Variants in RPTOR observed in about 807,000 individuals in gnomAD.
The protein encoded by RPTOR is regulatory-associated protein of mTOR.
RPTOR carries 21 observed loss-of-function variants against 169.9 expected under a neutral mutation model. The observed-to-expected ratio is 0.12, with a 90% confidence interval of 0.09 to 0.18. The LOEUF is 0.18. Ranked by LOEUF, RPTOR falls within the 10% of genes least tolerant of loss-of-function variation. The pLI, the probability that RPTOR is intolerant of heterozygous loss-of-function variation, is 1.00. For synonymous variants in RPTOR, 732 were observed against 753.2 expected, an observed-to-expected ratio of 0.97 and a Z score of 0.46; for missense variants, 1,133 against 1,855.9, an observed-to-expected ratio of 0.61 and a Z score of 7.16.
chr17:80,662,450 G>A (rs2065731887), intron 3 of RPTOR, among the ~76,000 whole-genome samples: 1 of 152,054 alleles, frequency 6.6e-6, no homozygotes, highest in Non-Finnish European at 1.5e-5. Context: ...ATAATTTGGT[G>A]GGCGGGGCTA....
chr17:80,822,191 T>G lies in RPTOR; in HGVS notation c.891-10T>G. ...TGGCATCACTCATGAGAACGCCCCT[T>G]GTTTTCTAGGATCCCTGGCCGCCTG... On this transcript the variant is annotated splice_polypyrimidine_tract_variant and intron_variant, in intron 7 of 33. Coordinates refer to ENST00000306801, the MANE Select transcript of RPTOR (RefSeq NM_020761.3). The G allele has an allele frequency of 6.2e-7, 1 of 1,613,636 alleles. No homozygotes were observed. The highest frequency in any genetic ancestry group is 8.5e-7 in the Non-Finnish European group (1 of 1,179,634).
At chr17:80,658,975 G>T (rs1054281110) in intron 3 of RPTOR, among the ~76,000 whole-genome samples, 1 of 152,198 alleles carries the variant, frequency 6.6e-6, no homozygotes. Flanking sequence ...CCATCAGTCT[G>T]ACTGCTGCTG....
chr17:80,958,204 C>A (rs71368102), intron 29 of RPTOR, among the ~76,000 whole-genome samples: 1 of 16,440 alleles, frequency 6.1e-5, no homozygotes, highest in Non-Finnish European at 1.5e-4. Flanking sequence ...CTCACCCCCC[C>A]CCCCCACCAC....
intron 6 of RPTOR, among the ~76,000 whole-genome samples, chr17:80,772,873 C>T (rs183873530): frequency 1.3e-5 from 2 of 152,196 alleles, no homozygotes; most frequent in African/African-American, 2.4e-5. Context: ...TGGTGGCAGC[C>T]GGACATCAAG....
chr17:80,675,948 A>C (rs1272654425), intron 3 of RPTOR, among the ~76,000 whole-genome samples: 1 of 152,106 alleles, frequency 6.6e-6, no homozygotes, highest in Non-Finnish European at 1.5e-5. Context: ...AGGTATGATG[A>C]AATACTTTTG....
chr17:80,850,701 G>A (rs1474224206), intron 11 of RPTOR, among the ~76,000 whole-genome samples: 1 of 152,140 alleles, frequency 6.6e-6, no homozygotes, highest in Non-Finnish European at 1.5e-5. Context: ...TAGAATGTGG[G>A]GTCTGAAAGT....
intron 1 of RPTOR, among the ~76,000 whole-genome samples, chr17:80,578,258 G>A (rs1383447857): frequency 6.6e-6 from 1 of 152,140 alleles, no homozygotes; most frequent in African/African-American, 2.4e-5. Context: ...CAGTCATTGC[G>A]ATGTTGGCAC....
At chr17:80,743,051 G>A (rs561743046) in intron 5 of RPTOR, among the ~76,000 whole-genome samples, 35 of 152,264 alleles carry the variant, frequency 2.3e-4, no homozygotes, top group African/African-American at 8.2e-4. Flanking sequence ...GTGAGTACAC[G>A]TGTCTGGATC....
intron 10 of RPTOR, among the ~76,000 whole-genome samples, chr17:80,841,304 G>C (rs1397482564): frequency 3.4e-5 from 3 of 87,546 alleles, no homozygotes; most frequent in East Asian, 3.9e-4. Context: ...CTCACAGCAC[G>C]GCAGCTCACA....
chr17:80,787,853 A>G (rs985381328), intron 6 of RPTOR, among the ~76,000 whole-genome samples: 1 of 152,072 alleles, frequency 6.6e-6, no homozygotes, highest in Admixed American at 6.5e-5. Context: ...TGGATTTTTA[A>G]TGCTCTTGTG....
chr17:80,883,868 TGCCTCG>T lies in RPTOR; in HGVS notation c.1741_1746del (p.Leu581_Gly582del). 6.2e-7 allele frequency: 1 copy of T among 1,613,756 alleles called. No individual in the cohort carries two copies. Among genetic ancestry groups the T allele is most frequent in the Non-Finnish European group, 8.5e-7 (1 of 1,180,034 alleles). The stretch of plus-strand genomic sequence containing the variant: ...CTTGCTGCGCCAGTGGGTGGCCATC[TGCCTCG>T]GCAGGATCTGGCAGAACTTCGACTC... On this transcript the variant is annotated inframe_deletion, in exon 16 of 34. Coordinates refer to ENST00000306801, the MANE Select transcript of RPTOR (RefSeq NM_020761.3).
intron 5 of RPTOR, among the ~76,000 whole-genome samples, chr17:80,731,118 A>G (rs1412807242): frequency 6.6e-6 from 1 of 152,122 alleles, no homozygotes; most frequent in African/African-American, 2.4e-5. Flanking sequence ...GGCTCAAGCA[A>G]CGCGTGTGCC....
intron 28 of RPTOR, among the ~76,000 whole-genome samples, chr17:80,950,102 G>A (rs1381768492): frequency 6.6e-6 from 1 of 152,214 alleles, no homozygotes; most frequent in Non-Finnish European, 1.5e-5. Context: ...GGTCCTTCTG[G>A]AAGGACTCAG....
chr17:80,814,589 A>G (rs544027941), intron 7 of RPTOR, among the ~76,000 whole-genome samples: 3 of 152,286 alleles, frequency 2.0e-5, no homozygotes, highest in East Asian at 1.9e-4. Flanking sequence ...TTTTGTTTAC[A>G]TACAGTTTGA....
intron 5 of RPTOR, among the ~76,000 whole-genome samples, chr17:80,740,431 A>G (rs2066472017): frequency 6.6e-6 from 1 of 152,204 alleles, no homozygotes; most frequent in South Asian, 2.1e-4. Context: ...TGAGGCCATT[A>G]TTATCCTAAT....
chr17:80,746,510 A>G lies in RPTOR; in HGVS notation c.655-7500A>G, dbSNP rs1211131533. 6.6e-6 allele frequency among the ~76,000 whole-genome samples: 1 copy of G among 152,232 alleles called. No individual in the cohort carries two copies. On this transcript the variant is annotated intron_variant, in intron 5 of 33. Transcript: ENST00000306801. This position sits in a 1 kb window ranked among gnomAD's most constrained non-coding sequence, Gnocchi z 4.5. The stretch of plus-strand genomic sequence containing the variant: ...TCCGGTTGCTGTGTATCGCATCGCA[A>G]GACTTTTCTGGATCCTTCCCAAATC...
chr17:80,653,464 C>G (rs2065656023), intron 3 of RPTOR, among the ~76,000 whole-genome samples: 1 of 152,142 alleles, frequency 6.6e-6, no homozygotes, highest in Non-Finnish European at 1.5e-5. Flanking sequence ...CCTTAAGATT[C>G]CTGTGTGTTT....
intron 5 of RPTOR, among the ~76,000 whole-genome samples, chr17:80,744,429 ACAGCCCTGG>A (rs2066539607): frequency 9.6e-6 from 1 of 103,632 alleles, no homozygotes; most frequent in East Asian, 2.4e-4. Flanking sequence ...GGCTACTAGC[ACAGCCCTGG>A]CTACTAGCAC....
chr17:80,668,645 C>G (rs2065798965), intron 3 of RPTOR, among the ~76,000 whole-genome samples: 1 of 152,250 alleles, frequency 6.6e-6, no homozygotes, highest in Non-Finnish European at 1.5e-5. Flanking sequence ...CAAGTGAAAA[C>G]CAGCTCTTTA....
Sources: gnomAD v4.1 joint callset for allele counts (sites outside exome capture counted in the v4.1 genomes callset) on GRCh38, gnomAD v4.1.1 for gene constraint, Gnocchi (gnomAD v3.1) non-coding constraint, MANE v1.5 for transcripts, NCBI Gene and HGNC (gene_info 2026-07-23, HGNC 2026-07-21) for gene names.